The following PTPRR variants were observed in gnomAD, a reference collection of about 807,000 sequenced individuals.
The protein encoded by PTPRR is receptor-type tyrosine-protein phosphatase R.
PTPRR carries 38 observed loss-of-function variants against 77.2 expected under a neutral mutation model. That is an observed-to-expected ratio of 0.49 (90% CI 0.38 to 0.65). PTPRR has a LOEUF of 0.65. Ranked by LOEUF, PTPRR falls within the 30% of genes least tolerant of loss-of-function variation. The pLI, the probability that PTPRR is intolerant of heterozygous loss-of-function variation, is 0.00. For missense variants in PTPRR, 744 were observed against 799.2 expected, an observed-to-expected ratio of 0.93 and a Z score of 0.83; for synonymous variants, 299 against 283.1, an observed-to-expected ratio of 1.06 and a Z score of -0.57.
intron 4 of PTPRR, among the ~76,000 whole-genome samples, chr12:70,759,167 C>A (rs1435962101): frequency 6.6e-6 from 1 of 152,138 alleles, no homozygotes; most frequent in Non-Finnish European, 1.5e-5. Flanking sequence ...AACTCCTGGC[C>A]TCAACCAATC....
In PTPRR at chr12:70,892,913, T is replaced by C. The variant is rs12822996; in HGVS notation, c.123A>G (p.Val41=). ...TGTCTTGTGAATGCTTATAAATGAA[T>C]ACCGGCTTCCCACTCTTCTTCTGAT... ...AINQKKSGKP[V]FIYKHSQDIE... Residue 41 remains valine, a synonymous_variant, in exon 2 of 14, where the codon GTA becomes GTG. Coordinates refer to ENST00000283228, the MANE Select transcript of PTPRR (RefSeq NM_002849.4). 0.011 allele frequency: 18,038 copies of C among 1,613,526 alleles called. 140 individuals carry two copies. Among genetic ancestry groups the C allele is most frequent in the African/African-American group, 0.026 (1,980 of 74,982 alleles).
chr12:70,722,861 G>T (rs1889308405), intron 6 of PTPRR, among the ~76,000 whole-genome samples: 1 of 152,192 alleles, frequency 6.6e-6, no homozygotes. Context: ...TTATTGAACA[G>T]ATGTTTCATT....
At chr12:70,782,461 T>A (rs1406681290) in intron 2 of PTPRR, among the ~76,000 whole-genome samples, 1 of 152,090 alleles carries the variant, frequency 6.6e-6, no homozygotes, top group Non-Finnish European at 1.5e-5. Flanking sequence ...AATGATAGAC[T>A]GGATTAAGAA....
intron 6 of PTPRR, among the ~76,000 whole-genome samples, chr12:70,742,847 A>T (rs555070196): frequency 1.3e-5 from 2 of 152,160 alleles, no homozygotes; most frequent in African/African-American, 4.8e-5. Context: ...GGGAAAAACA[A>T]CACGGAGAAG....
At chr12:70,738,695 C>T (rs1200039063) in intron 6 of PTPRR, among the ~76,000 whole-genome samples, 2 of 152,192 alleles carry the variant, frequency 1.3e-5, no homozygotes, top group African/African-American at 2.4e-5. Flanking sequence ...ATTTGGAACT[C>T]AGCATGTATA....
chr12:70,778,583 G>C (rs73345125), intron 2 of PTPRR, among the ~76,000 whole-genome samples: 1 of 151,846 alleles, frequency 6.6e-6, no homozygotes, highest in Non-Finnish European at 1.5e-5. Flanking sequence ...CTAATCACTT[G>C]TATGTTTTTA....
intron 2 of PTPRR, among the ~76,000 whole-genome samples, chr12:70,817,368 A>G (rs1891923108): frequency 6.6e-6 from 1 of 152,174 alleles, no homozygotes; most frequent in Non-Finnish European, 1.5e-5. Context: ...AAGTAATAGT[A>G]TTGTATCAAC....
chr12:70,688,295 A>G lies in PTPRR; in HGVS notation c.1280-3512T>C, dbSNP rs147375662. ...ACAGATTGGGAGAAAATATTTATAA[A>G]TCATACCTTAAGAAGGGGCTAATAT... On this transcript the variant is annotated intron_variant, in intron 8 of 13. Transcript: ENST00000283228. Among the ~76,000 whole-genome samples, 111 of 152,290 alleles carry G rather than the reference A, an allele frequency of 7.3e-4. 2 individuals carry two copies. The East Asian group carries it at 0.02, about 28-fold the overall frequency.
intron 13 of PTPRR, among the ~76,000 whole-genome samples, chr12:70,648,882 A>G (rs922152179): frequency 6.6e-6 from 1 of 152,186 alleles, no homozygotes; most frequent in Admixed American, 6.5e-5. Context: ...TTGGAAAAAA[A>G]AAAAGAAATC....
At chr12:70,876,811 C>T (rs1287461568) in intron 2 of PTPRR, among the ~76,000 whole-genome samples, 2 of 152,074 alleles carry the variant, frequency 1.3e-5, no homozygotes, top group Non-Finnish European at 2.9e-5. Context: ...AAAGGAAAAT[C>T]GCTACATTAT....
chr12:70,794,731 C>G (rs965311569), intron 2 of PTPRR, among the ~76,000 whole-genome samples: 8 of 152,166 alleles, frequency 5.3e-5, no homozygotes, highest in Non-Finnish European at 1.0e-4. Context: ...CAGCAGCAAT[C>G]AGAGAACAGT....
intron 6 of PTPRR, among the ~76,000 whole-genome samples, chr12:70,708,853 T>C (rs990882289): frequency 6.6e-6 from 1 of 151,246 alleles, no homozygotes; most frequent in Non-Finnish European, 1.5e-5. Context: ...CACGGCATTT[T>C]CTAAGTAGCA....
intron 10 of PTPRR, among the ~76,000 whole-genome samples, chr12:70,679,569 C>T (rs1053700275): frequency 2.0e-5 from 3 of 152,020 alleles, no homozygotes; most frequent in Non-Finnish European, 4.4e-5. Context: ...TATTTGGGTA[C>T]TCTAGTGTTA....
At chr12:70,896,754 G>GT (rs1236219845) in intron 1 of PTPRR, among the ~76,000 whole-genome samples, 1 of 151,458 alleles carries the variant, frequency 6.6e-6, no homozygotes, top group Non-Finnish European at 1.5e-5. Flanking sequence ...GGTCTAACAT[G>GT]TAAGTCTTTA....
chr12:70,825,037 C>A (rs368832571), intron 2 of PTPRR, among the ~76,000 whole-genome samples: 97 of 152,280 alleles, frequency 6.4e-4, no homozygotes, highest in African/African-American at 2.3e-3. Context: ...GTAATCCCAG[C>A]ACTTTGGGAG....
chr12:70,906,126 G>T (rs1469232662), intron 1 of PTPRR, among the ~76,000 whole-genome samples: 3 of 151,906 alleles, frequency 2.0e-5, no homozygotes, highest in Non-Finnish European at 4.4e-5. Context: ...TAAGAGGAAA[G>T]AATTAAGAAA....
chr12:70,796,322 C>T (rs1403785687), intron 2 of PTPRR, among the ~76,000 whole-genome samples: 2 of 151,984 alleles, frequency 1.3e-5, no homozygotes, highest in African/African-American at 4.8e-5. Flanking sequence ...GTTTATGTGT[C>T]CCTCATCAGA....
chr12:70,717,470 T>A (rs1275405856), intron 6 of PTPRR, among the ~76,000 whole-genome samples: 1 of 152,172 alleles, frequency 6.6e-6, no homozygotes, highest in Non-Finnish European at 1.5e-5. Flanking sequence ...GTCTAAGTAC[T>A]GAAAGACTCT....
At position 70,898,168 on chromosome 12, in the gene PTPRR, A is replaced by G. The variant is rs372246162; in HGVS notation, c.59-5191T>C. ...AAAGTATAATAATAATAATAAAAAA[A>G]GAGAATCCATATGTAGAAACCTATG... is the stretch of plus-strand genomic sequence containing the variant. On this transcript the variant is annotated intron_variant, in intron 1 of 13. Coordinates refer to ENST00000283228, the MANE Select transcript of PTPRR (RefSeq NM_002849.4). Among the ~76,000 whole-genome samples, 12 of 150,896 alleles carry G rather than the reference A, an allele frequency of 8.0e-5. No individual in the cohort carries two copies. The South Asian group carries it at 1.9e-3, about 24-fold the overall frequency.
Sources: gnomAD v4.1 joint callset for allele counts (sites outside exome capture counted in the v4.1 genomes callset) on GRCh38, gnomAD v4.1.1 for gene constraint, MANE v1.5 for transcripts, NCBI Gene and HGNC (gene_info 2026-07-23, HGNC 2026-07-21) for gene names.